Variants in CATSPERB observed in about 807,000 individuals in gnomAD.
CATSPERB encodes catsper channel auxiliary subunit beta, also known as cation channel sperm-associated auxiliary subunit beta.
Under a neutral mutation model 128.3 loss-of-function variants are expected in CATSPERB, and 93 were observed. That is an observed-to-expected ratio of 0.72 (90% CI 0.61 to 0.86). The LOEUF is 0.86. Ranked by LOEUF, CATSPERB falls within the 40% of genes least tolerant of loss-of-function variation. The pLI is 0.00. For missense variants in CATSPERB, 1,153 were observed against 1,329.5 expected (o/e 0.87, Z 2.06); for synonymous variants, 381 against 448.8 (o/e 0.85, Z 1.91).
intron 11 of CATSPERB, among the ~76,000 whole-genome samples, chr14:91,682,895 T>C (rs928265253): frequency 2.0e-4 from 30 of 152,330 alleles, no homozygotes; most frequent in Non-Finnish European, 2.5e-4. Context: ...ACTATATGGC[T>C]GTAGATATCC....
rs577970468 is a variant in CATSPERB, at chr14:91,598,584, C to T, written c.2710-6582G>A. 3.0e-4 allele frequency among the ~76,000 whole-genome samples: 46 copies of T among 152,210 alleles called. No individual in the cohort carries two copies. The East Asian group carries it at 3.5e-3, about 12-fold the overall frequency. ...GTCAGAAAAGATTTGACTGGCCGGGCGTGGTGGCTCACACCTGTAATCCCG... is the reference window on the plus strand; with the variant it reads ...GTCAGAAAAGATTTGACTGGCCGGGTGTGGTGGCTCACACCTGTAATCCCG... On this transcript the variant is annotated intron_variant, in intron 22 of 26. Coordinates refer to ENST00000256343, the MANE Select transcript of CATSPERB (RefSeq NM_024764.4).
chr14:91,620,240 T>G (rs1894017834), intron 19 of CATSPERB, among the ~76,000 whole-genome samples: 1 of 152,150 alleles, frequency 6.6e-6, no homozygotes, highest in African/African-American at 2.4e-5. Context: ...CCTAATTCTC[T>G]CTTCATGATT....
intron 7 of CATSPERB, among the ~76,000 whole-genome samples, chr14:91,704,153 A>G (rs952214430): frequency 1.3e-5 from 2 of 152,218 alleles, no homozygotes; most frequent in Non-Finnish European, 2.9e-5. Flanking sequence ...TTCTTTCCCT[A>G]TATAGATGCT....
At chr14:91,719,531 C>T in intron 4 of CATSPERB, 53 bp from the exon 5 acceptor site, 3 of 1,310,558 alleles carry the variant, frequency 2.3e-6, no homozygotes, top group Non-Finnish European at 3.3e-6. Flanking sequence ...AATAACAACA[C>T]ATCACATTCT....
chr14:91,731,900 C>G (rs61988231), intron 1 of CATSPERB, 30 bp downstream of exon 1: 2,319 of 152,500 alleles, frequency 0.015, 33 homozygotes, highest in Non-Finnish European at 0.026. Flanking sequence ...CCAGCAGGGT[C>G]CTTATTTTAA....
intron 22 of CATSPERB, among the ~76,000 whole-genome samples, chr14:91,593,574 T>C (rs781647066): frequency 1.3e-4 from 20 of 152,234 alleles, no homozygotes; most frequent in Admixed American, 8.5e-4. Context: ...CCATTTGGAA[T>C]GGCTGTATTT....
chr14:91,704,470 A>G, intron 7 of CATSPERB, 82 bp downstream of exon 7: 1 of 1,434,092 alleles, frequency 7.0e-7, no homozygotes, highest in Non-Finnish European at 9.4e-7. Context: ...ATGTCTATGC[A>G]TTTATTTCTG....
At chr14:91,638,374 A>G (rs1007434151) in intron 16 of CATSPERB, among the ~76,000 whole-genome samples, 1 of 151,718 alleles carries the variant, frequency 6.6e-6, no homozygotes, top group African/African-American at 2.4e-5. Flanking sequence ...ATAGGAAAGA[A>G]GAAAGGTAGA....
Position 91,621,895 on chromosome 14 carries a change from A to T in CATSPERB, c.1973T>A (p.Val658Glu). The T allele has an allele frequency of 6.2e-7, 1 of 1,613,162 alleles. No homozygotes were observed. Among genetic ancestry groups the T allele is most frequent in the Middle Eastern group, 1.7e-4 (1 of 6,054 alleles). ...LFEDTDIEKT[V>E]VLPGYSSFLI... ...GAAGCTGCTGTACCCGGGAAGCACTACAGTCTTCTCTATATCTGTATCTTC... is the reference window on the plus strand; with the variant it reads ...GAAGCTGCTGTACCCGGGAAGCACTTCAGTCTTCTCTATATCTGTATCTTC... The change falls in exon 19 of 27, where the codon GTA becomes GAA. Residue 658 changes from valine (V) to glutamate (E), a missense_variant. Transcript: ENST00000256343.
At chr14:91,652,811 A>T (rs1304901259) in intron 15 of CATSPERB, among the ~76,000 whole-genome samples, 1 of 152,142 alleles carries the variant, frequency 6.6e-6, no homozygotes, top group African/African-American at 2.4e-5. Flanking sequence ...ACAATCATAT[A>T]AAGTCTGATC....
intron 22 of CATSPERB, chr14:91,603,322 A>G (rs1893640454): frequency 6.3e-7 from 1 of 1,574,804 alleles, no homozygotes; most frequent in African/African-American, 1.3e-5. Flanking sequence ...GTATCAGGAA[A>G]TAGTGGGGGT....
At chr14:91,609,868 G>A (rs969436676) in intron 21 of CATSPERB, among the ~76,000 whole-genome samples, 39 of 152,224 alleles carry the variant, frequency 2.6e-4, no homozygotes, top group African/African-American at 7.5e-4. Flanking sequence ...TTACAGGCGC[G>A]TGCCACCGTG....
chr14:91,633,855 A>AAG (rs971135090), intron 17 of CATSPERB, among the ~76,000 whole-genome samples: 1 of 151,882 alleles, frequency 6.6e-6, no homozygotes, highest in Non-Finnish European at 1.5e-5. Context: ...GAAAAAGAAA[A>AAG]AGAGAGAGAG....
At chr14:91,700,473 A>C (rs147193240) in intron 7 of CATSPERB, among the ~76,000 whole-genome samples, 74 of 152,286 alleles carry the variant, frequency 4.9e-4, no homozygotes, top group African/African-American at 1.7e-3. Context: ...GAATAGTTTC[A>C]GTAGGATTGG....
intron 20 of CATSPERB, among the ~76,000 whole-genome samples, chr14:91,615,999 C>G (rs1037493711): frequency 6.2e-4 from 95 of 152,076 alleles, no homozygotes; most frequent in African/African-American, 2.1e-3. Context: ...CCTGCCTCAG[C>G]CTCCCGAGTA....
intron 15 of CATSPERB, among the ~76,000 whole-genome samples, chr14:91,639,680 G>A (rs745531991): frequency 1.2e-4 from 19 of 152,246 alleles, no homozygotes; most frequent in Middle Eastern, 3.4e-3. Context: ...CAAACTGGGC[G>A]TCCTGTGGTT....
At chr14:91,653,088 C>T (rs538522973) in intron 15 of CATSPERB, among the ~76,000 whole-genome samples, 31 of 152,178 alleles carry the variant, frequency 2.0e-4, no homozygotes, top group Non-Finnish European at 3.7e-4. Context: ...AATATTGAGG[C>T]CTGCAAAACC....
chr14:91,610,120 G>A (rs1045185646), intron 21 of CATSPERB, among the ~76,000 whole-genome samples: 10 of 152,030 alleles, frequency 6.6e-5, no homozygotes, highest in Admixed American at 2.0e-4. Flanking sequence ...AAAAAAATCC[G>A]CATGTAAGTG....
At chr14:91,627,919 A>G (rs1393847211) in intron 17 of CATSPERB, among the ~76,000 whole-genome samples, 2 of 152,224 alleles carry the variant, frequency 1.3e-5, no homozygotes, top group Non-Finnish European at 2.9e-5. Context: ...TCGAGGCTGC[A>G]GTGAGCTATG....
Sources: allele counts gnomAD v4.1 joint callset (sites outside exome capture counted in the v4.1 genomes callset), GRCh38; gene constraint gnomAD v4.1.1; transcripts MANE v1.5; gene names NCBI Gene and HGNC (gene_info 2026-07-23, HGNC 2026-07-21).